Variants in DCTN1 observed in about 807,000 individuals in gnomAD.
DCTN1 encodes the protein dynactin subunit 1.
In DCTN1, 61 loss-of-function variants were observed where a neutral mutation model predicts 161.2. The observed-to-expected ratio is 0.38, with a 90% confidence interval of 0.31 to 0.47. The LOEUF (loss-of-function observed/expected upper bound fraction) is 0.47, where lower values mean the gene tolerates loss of function less well. DCTN1 is among the 20% of genes least tolerant of loss of function. The pLI, the probability that DCTN1 is intolerant of heterozygous loss-of-function variation, is 0.99. For synonymous variants in DCTN1, 653 were observed against 632.4 expected (o/e 1.03, Z -0.49); for missense variants, 1,404 against 1,623.7 (o/e 0.86, Z 2.33).
rs1471374414 is a variant in DCTN1 at position 74,380,120 on chromosome 2, C to T, written c.-83G>A. The T allele has an allele frequency of 4.7e-6, 7 of 1,496,008 alleles. No homozygotes were observed. Among genetic ancestry groups the T allele is most frequent in the Non-Finnish European group, 5.6e-6 (6 of 1,078,364 alleles). The allele number at this position is 1,496,008 out of a possible 1,614,324, so 92.7% of individuals were successfully genotyped here. A position where few individuals can be genotyped will look rare whatever the true frequency, so the allele number is the denominator to read the frequency against. ...AGAAACCTAGGCAGGAGGGTCAGGG[C>T]GCTGGGCCCTCATAGAGGGACACAG... On this transcript the variant is annotated 5_prime_UTR_variant, in exon 1 of 32. Coordinates refer to ENST00000628224, the MANE Select transcript of DCTN1 (RefSeq NM_004082.5).
At chr2:74,383,275 G>A (rs1362617297), upstream of DCTN1, among the ~76,000 whole-genome samples, 1 of 152,174 alleles carries the variant, frequency 6.6e-6, no homozygotes, top group Non-Finnish European at 1.5e-5. Context: ...GCCTTTTGAA[G>A]CATAGCCCAC....
At chr2:74,373,342 G>T in intron 6 of DCTN1, 1 of 326,870 alleles carries the variant, frequency 3.1e-6, no homozygotes, top group Non-Finnish European at 6.0e-6. Context: ...GCCCCGCCCA[G>T]CCACCACTCC....
In DCTN1 at chr2:74,362,998, G is replaced by A; in HGVS notation, c.3525C>T (p.Ser1175=). 1 of 1,612,668 alleles carries A rather than the reference G, an allele frequency of 6.2e-7. No homozygotes were observed. Among genetic ancestry groups the A allele is most frequent in the East Asian group, 2.2e-5 (1 of 44,868 alleles). Residue 1175 remains serine (S), a synonymous_variant, in exon 29 of 32, where the codon AGC becomes AGT. Coordinates refer to ENST00000628224, the MANE Select transcript of DCTN1 (RefSeq NM_004082.5). ...TGGGGGTTGGCAGGTACATACCAGG[G>A]CTGGTGCGAGTGATGTCTACTACGT... ...HTHVVDITRT[S]PAAKSPSAQL... is the part of the protein sequence containing the mutation.
intron 3 of DCTN1, 86 bp downstream of exon 3, chr2:74,377,562 G>C: frequency 6.6e-7 from 1 of 1,519,152 alleles, no homozygotes; most frequent in African/African-American, 1.4e-5. Context: ...AAAATCTTAG[G>C]ATCTACTGTG....
In DCTN1 at chr2:74,366,277, C is replaced by T. The variant is rs1228668684; in HGVS notation, c.2727G>A (p.Glu909=). ...TMNKLATAMQ[E]GEYDAERPPS... ...GGGGCCGCTCTGCATCATACTCCCC[C>T]TCCTGCATGGCTGTGGCCAGCTTGT... Residue 909 remains glutamate, a synonymous_variant, in exon 23 of 32, where the codon GAG becomes GAA. Transcript: ENST00000628224. 1 of 1,614,122 alleles carries T rather than the reference C, an allele frequency of 6.2e-7. No individual in the cohort carries two copies. The highest frequency in any genetic ancestry group is 8.5e-7 in the Non-Finnish European group (1 of 1,180,056).
Position 74,370,574 on chromosome 2 carries a change from T to C in DCTN1, c.1049-30A>G. ...AGAAGATCATTAACACTTTCAGGCA[T>C]GGTTCTCACCTGACCGTTTGGCCCC... On this transcript the variant is annotated intron_variant, in intron 10 of 31. Coordinates refer to ENST00000628224, the MANE Select transcript of DCTN1 (RefSeq NM_004082.5). This position sits in a 1 kb window ranked among gnomAD's most constrained non-coding sequence, Gnocchi z 4.4. The C allele has an allele frequency of 5.0e-6, 8 of 1,614,130 alleles. No individual in the cohort carries two copies. Among genetic ancestry groups the C allele is most frequent in the Middle Eastern group, 1.6e-4 (1 of 6,062 alleles).
intron 4 of DCTN1, among the ~76,000 whole-genome samples, chr2:74,376,982 G>A (rs1031731149): frequency 2.6e-5 from 4 of 152,204 alleles, no homozygotes; most frequent in Non-Finnish European, 5.9e-5. Flanking sequence ...GAGTAGCAGA[G>A]AAGAACTAGG....
intron 18 of DCTN1, 89 bp downstream of exon 18, chr2:74,367,607 G>C: frequency 6.3e-7 from 1 of 1,587,126 alleles, no homozygotes; most frequent in South Asian, 1.1e-5. Flanking sequence ...GCAAGCATGG[G>C]ACATACAACC....
chr2:74,380,497 A>G (rs180710359), upstream of DCTN1: 6 of 474,136 alleles, frequency 1.3e-5, no homozygotes, highest in East Asian at 4.1e-4. Context: ...GTACCCACTC[A>G]CCATCACTGT....
At position 74,366,325 on chromosome 2, in the gene DCTN1, G is replaced by A. The variant is rs1253918840; in HGVS notation, c.2679C>T (p.Cys893=). ...TGTTCATGGTACTGATGAGGATGTT[G>A]CATGACTGGCGCAGACACTCATAGG... The part of the protein sequence containing the change: ...SSPYECLRQS[C]NILISTMNKL... Residue 893 remains cysteine (C), a synonymous_variant, in exon 23 of 32, where the codon TGC becomes TGT. Transcript: ENST00000628224. 1.9e-6 allele frequency: 3 copies of A among 1,614,098 alleles called. No individual in the cohort carries two copies. Among genetic ancestry groups the A allele is most frequent in the Non-Finnish European group, 2.5e-6 (3 of 1,180,050 alleles).
chr2:74,376,753 T>G lies in DCTN1; in HGVS notation c.403A>C (p.Lys135Gln), dbSNP rs1675250026. The G allele has an allele frequency of 6.2e-7, 1 of 1,605,028 alleles. No individual in the cohort carries two copies. The highest frequency in any genetic ancestry group is 8.5e-7 in the Non-Finnish European group (1 of 1,175,908). ...AGTAAACACACCACCTTCTTAGGCT[T>G]CAGTCCCCGCTGCATGAGGAGTAGG... Reference protein sequence around the residue: ...TAKTSKLRGLKPKKAPTARKT... With the variant: ...TAKTSKLRGLQPKKAPTARKT... The change falls in exon 5 of 32, where the codon AAG becomes CAG. Residue 135 changes from lysine (K) to glutamine (Q), a missense_variant. Lys to Gln is a moderately conservative substitution (Grantham distance 53). Transcript: ENST00000628224.
At chr2:74,362,937 C>T (rs1674121359) in intron 29 of DCTN1, 57 bp downstream of exon 29, 1 of 1,588,510 alleles carries the variant, frequency 6.3e-7, no homozygotes, top group African/African-American at 1.3e-5. Flanking sequence ...GGGGCTAAAT[C>T]CCTGGGCCAA....
upstream of DCTN1, among the ~76,000 whole-genome samples, chr2:74,384,186 T>G (rs1224141734): frequency 6.6e-6 from 1 of 152,220 alleles, no homozygotes; most frequent in Non-Finnish European, 1.5e-5. Context: ...CACGAATACA[T>G]GTACTTCACT....
At position 74,361,492 on chromosome 2, in the gene DCTN1, G is replaced by C. The variant is rs762282945; in HGVS notation, c.*7C>G. ...GGGTCGAAGGGGACAGCAGGGGAAA[G>C]GAGTGCTTAGGAGATGAGGCGACTG... On this transcript the variant is annotated 3_prime_UTR_variant, in exon 32 of 32. Coordinates refer to ENST00000628224, the MANE Select transcript of DCTN1 (RefSeq NM_004082.5). 1 of 1,614,100 alleles carries C rather than the reference G, an allele frequency of 6.2e-7. No homozygotes were observed. Among genetic ancestry groups the C allele is most frequent in the Non-Finnish European group, 8.5e-7 (1 of 1,180,030 alleles).
chr2:74,376,109 T>C (rs1048154362), intron 5 of DCTN1, among the ~76,000 whole-genome samples: 1 of 152,124 alleles, frequency 6.6e-6, no homozygotes, highest in African/African-American at 2.4e-5. Context: ...CGTGACATGA[T>C]TGAGCCCCAC....
chr2:74,371,063 G>A lies in DCTN1; in HGVS notation c.759C>T (p.Ile253=), dbSNP rs1553465355. ...AKLKELEKHK[I]QLEQVQEWKS... ...TCCATTCCTGCACCTGCTCCAGCTGGATTTTGTGTTTCTCCAGCTCTTTTA... is the reference window on the plus strand; with the variant it reads ...TCCATTCCTGCACCTGCTCCAGCTGAATTTTGTGTTTCTCCAGCTCTTTTA... The change falls in exon 9 of 32, where the codon ATC becomes ATT. Residue 253 remains isoleucine (I), a synonymous_variant. Transcript: ENST00000628224. 12 of 1,614,200 alleles carry A rather than the reference G, an allele frequency of 7.4e-6. No homozygotes were observed. The highest frequency in any genetic ancestry group is 2.2e-5 in the East Asian group (1 of 44,884).
intron 1 of DCTN1, among the ~76,000 whole-genome samples, chr2:74,386,246 A>C (rs2103765876): frequency 6.6e-6 from 1 of 152,282 alleles, no homozygotes; most frequent in African/African-American, 2.4e-5. Context: ...TTGGGATTAA[A>C]TTTCTGTCTT....
At chr2:74,378,859 C>G (rs1675373957) in intron 1 of DCTN1, 1 of 157,634 alleles carries the variant, frequency 6.3e-6, no homozygotes. Flanking sequence ...CATGAAACCC[C>G]AGATGCTTCA....
At chr2:74,391,807 G>A (rs1553468101) in exon 1 of DCTN1, 1 of 453,898 alleles carries the variant, frequency 2.2e-6, no homozygotes, top group Non-Finnish European at 4.4e-6. Flanking sequence ...CACTGTGAGG[G>A]GCTCCGCGCC....
Sources: gnomAD v4.1 joint callset for allele counts (sites outside exome capture counted in the v4.1 genomes callset) on GRCh38, gnomAD v4.1.1 for gene constraint, Gnocchi (gnomAD v3.1) non-coding constraint, MANE v1.5 for transcripts, NCBI Gene and HGNC (gene_info 2026-07-23, HGNC 2026-07-21) for gene names.